The following CBLN2 variants were observed in gnomAD, a reference collection of about 807,000 sequenced individuals.
CBLN2 encodes cerebellin 2 precursor, also known as cerebellin-2.
Under a neutral mutation model 15.0 loss-of-function variants are expected in CBLN2, and 7 were observed. The observed-to-expected ratio is 0.47, with a 90% CI of 0.27 to 0.88. The LOEUF is 0.88. Among genes scored for constraint, CBLN2 ranks in the 40% least tolerant of loss-of-function variants. The pLI is 0.14. For missense variants in CBLN2, 242 were observed against 304.5 expected (o/e 0.79, Z 1.53); for synonymous variants, 149 against 135.2 (o/e 1.10, Z -0.71).
At chr18:72,605,200 A>T (rs1167423981) in intron 1 of CBLN2, among the ~76,000 whole-genome samples, 1 of 152,172 alleles carries the variant, frequency 6.6e-6, no homozygotes, top group Non-Finnish European at 1.5e-5. Flanking sequence ...TCATATGCAC[A>T]TCTTTATTTT....
At chr18:72,601,302 C>G (rs1433878709) in intron 1 of CBLN2, among the ~76,000 whole-genome samples, 1 of 152,132 alleles carries the variant, frequency 6.6e-6, no homozygotes, top group Admixed American at 6.5e-5. Context: ...TCAGATTACT[C>G]TTACTGTCAC....
chr18:72,610,549 A>G (rs950388609), intron 1 of CBLN2, among the ~76,000 whole-genome samples: 1 of 152,000 alleles, frequency 6.6e-6, no homozygotes, highest in Non-Finnish European at 1.5e-5. Flanking sequence ...GAGGGAAGGG[A>G]CTCTGTATAT....
At chr18:72,560,755 TC>T in intron 1 of CBLN2, among the ~76,000 whole-genome samples, 1 of 152,210 alleles carries the variant, frequency 6.6e-6, no homozygotes. Flanking sequence ...ACGCCTGTAA[TC>T]CCAGCACTTT....
At chr18:72,625,580 C>T (rs1044301031) in intron 1 of CBLN2, among the ~76,000 whole-genome samples, 2 of 149,534 alleles carry the variant, frequency 1.3e-5, no homozygotes, top group Admixed American at 6.7e-5. Context: ...GTTACATGAA[C>T]GAATGAATGT....
At chr18:72,605,262 G>T (rs1191787068) in intron 1 of CBLN2, among the ~76,000 whole-genome samples, 3 of 151,962 alleles carry the variant, frequency 2.0e-5, no homozygotes, top group Admixed American at 6.6e-5. Flanking sequence ...GGAAATACAG[G>T]CATTGTTGTA....
At chr18:72,608,681 G>A (rs1246034637) in intron 1 of CBLN2, among the ~76,000 whole-genome samples, 1 of 152,198 alleles carries the variant, frequency 6.6e-6, no homozygotes, top group Non-Finnish European at 1.5e-5. Context: ...GTGATTGTGA[G>A]AAAGATTTGC....
At chr18:72,572,488 G>A (rs1474230515) in intron 1 of CBLN2, among the ~76,000 whole-genome samples, 1 of 152,096 alleles carries the variant, frequency 6.6e-6, no homozygotes, top group Non-Finnish European at 1.5e-5. Flanking sequence ...ATTGTTAAAA[G>A]TTTTCAAATG....
intron 1 of CBLN2, among the ~76,000 whole-genome samples, chr18:72,581,053 C>G (rs1462015486): frequency 6.6e-6 from 1 of 152,162 alleles, no homozygotes; most frequent in Non-Finnish European, 1.5e-5. Flanking sequence ...TTGCAAGAAA[C>G]CTCTTAGGTC....
chr18:72,540,591 TTGC>T (rs1257815956), intron 3 of CBLN2, among the ~76,000 whole-genome samples: 1 of 152,208 alleles, frequency 6.6e-6, no homozygotes, highest in Non-Finnish European at 1.5e-5. Context: ...GCCTATTCCA[TTGC>T]TGTCTCATTT....
intron 1 of CBLN2, among the ~76,000 whole-genome samples, chr18:72,585,815 C>T (rs1175829117): frequency 6.6e-6 from 1 of 152,236 alleles, no homozygotes; most frequent in Non-Finnish European, 1.5e-5. Context: ...CCCTCTCATG[C>T]CCATTGGCAC....
At chr18:72,546,251 C>T (rs577033715), upstream of CBLN2, among the ~76,000 whole-genome samples, 1 of 152,258 alleles carries the variant, frequency 6.6e-6, no homozygotes. Context: ...TCCTGGCTAA[C>T]ACGGTGAAAC....
At chr18:72,630,700 G>A (rs2069770463) in intron 1 of CBLN2, among the ~76,000 whole-genome samples, 1 of 152,014 alleles carries the variant, frequency 6.6e-6, no homozygotes, top group African/African-American at 2.4e-5. Context: ...TTGATTTGTA[G>A]TCCAGTGTCC....
At chr18:72,611,853 T>C (rs2069624738) in intron 1 of CBLN2, among the ~76,000 whole-genome samples, 1 of 152,204 alleles carries the variant, frequency 6.6e-6, no homozygotes, top group African/African-American at 2.4e-5. Flanking sequence ...GGTTTTCTTC[T>C]AGAATTCTTA....
At position 72,543,709 on chromosome 18, in the gene CBLN2, C is replaced by G. The variant is rs1323440188; in HGVS notation, c.-211-179G>C. 2.0e-5 allele frequency among the ~76,000 whole-genome samples: 3 copies of G among 151,778 alleles called. No homozygotes were observed. Among genetic ancestry groups the G allele is most frequent in the Non-Finnish European group, 4.4e-5 (3 of 67,922 alleles). On this transcript the variant is annotated intron_variant, in intron 1 of 4. Transcript: ENST00000269503. The surrounding 1 kb of genome is among the most constrained non-coding windows in gnomAD (Gnocchi z 6.8). ...CCCGCTTAGGCGCCGCGCCCGGGAC[C>G]GGGAACCCCGCGTCTCGCCCGGCTC... is the stretch of plus-strand genomic sequence containing the variant.
intron 1 of CBLN2, among the ~76,000 whole-genome samples, chr18:72,625,787 A>ACT (rs374437409): frequency 0.016 from 1,231 of 79,412 alleles, 13 homozygotes; most frequent in Middle Eastern, 0.021. Flanking sequence ...TATATATATG[A>ACT]CTCTCTCTCT....
At chr18:72,601,991 C>T (rs1302522876) in intron 1 of CBLN2, among the ~76,000 whole-genome samples, 4 of 152,216 alleles carry the variant, frequency 2.6e-5, no homozygotes, top group African/African-American at 9.6e-5. Flanking sequence ...AAGATGCCTT[C>T]CCTGGAAGTG....
At chr18:72,565,427 A>T (rs2069288297) in intron 1 of CBLN2, among the ~76,000 whole-genome samples, 1 of 152,146 alleles carries the variant, frequency 6.6e-6, no homozygotes, top group African/African-American at 2.4e-5. Context: ...TTAAAAATAA[A>T]AATGGTCAAC....
intron 1 of CBLN2, among the ~76,000 whole-genome samples, chr18:72,553,542 G>T (rs916192610): frequency 6.6e-6 from 1 of 152,034 alleles, no homozygotes; most frequent in East Asian, 1.9e-4. Flanking sequence ...TTACAAATGT[G>T]TGCATATTTT....
intron 1 of CBLN2, among the ~76,000 whole-genome samples, chr18:72,601,264 G>A (rs1256648428): frequency 6.6e-6 from 1 of 152,182 alleles, no homozygotes; most frequent in African/African-American, 2.4e-5. Context: ...ACAGCTTGGA[G>A]GTCAGAAGTA....
Sources: gnomAD v4.1 joint callset for allele counts (sites outside exome capture counted in the v4.1 genomes callset) on GRCh38, gnomAD v4.1.1 for gene constraint, Gnocchi (gnomAD v3.1) non-coding constraint, MANE v1.5 for transcripts, NCBI Gene and HGNC (gene_info 2026-07-23, HGNC 2026-07-21) for gene names.